FBXO36: variants seen among roughly 807,000 people sequenced by gnomAD.
FBXO36 encodes F-box protein 36.
In FBXO36, 18 loss-of-function variants were observed where a neutral mutation model predicts 17.0. That is an observed-to-expected ratio of 1.06 (90% CI 0.73 to 1.57). The LOEUF is 1.57. FBXO36 is among the 40% of genes most tolerant of loss of function. FBXO36 has a pLI of 0.00. For synonymous variants in FBXO36, 83 were observed against 85.3 expected (o/e 0.97, Z 0.15); for missense variants, 229 against 221.9 (o/e 1.03, Z -0.20).
At chr2:229,984,745 A>G (rs557089328) in intron 2 of FBXO36, among the ~76,000 whole-genome samples, 1 of 152,224 alleles carries the variant, frequency 6.6e-6, no homozygotes, top group Non-Finnish European at 1.5e-5. Context: ...TTTTTCTGTT[A>G]GTGTACATAA....
chr2:229,966,986 C>G (rs1332433455), intron 1 of FBXO36, among the ~76,000 whole-genome samples: 2 of 152,202 alleles, frequency 1.3e-5, no homozygotes, highest in Non-Finnish European at 2.9e-5. Flanking sequence ...TGGCCATTTT[C>G]ACGATATTCT....
At chr2:230,010,294 A>G (rs1389880073) in intron 3 of FBXO36, among the ~76,000 whole-genome samples, 1 of 152,202 alleles carries the variant, frequency 6.6e-6, no homozygotes, top group African/African-American at 2.4e-5. Context: ...AAATACATAC[A>G]TAGATAAATA....
At chr2:229,936,641 G>A (rs751527573) in intron 1 of FBXO36, among the ~76,000 whole-genome samples, 2 of 152,132 alleles carry the variant, frequency 1.3e-5, no homozygotes, top group African/African-American at 4.8e-5. Flanking sequence ...GCCTGAGGCA[G>A]GAGAATCACT....
intron 3 of FBXO36, among the ~76,000 whole-genome samples, chr2:230,002,131 C>T (rs73105414): frequency 0.036 from 5,530 of 152,176 alleles, 360 homozygotes; most frequent in African/African-American, 0.13. Context: ...AGCCATTGCT[C>T]GGCCTATTGT....
At chr2:229,930,449 C>T (rs2076933323) in intron 1 of FBXO36, among the ~76,000 whole-genome samples, 1 of 152,100 alleles carries the variant, frequency 6.6e-6, no homozygotes, top group Non-Finnish European at 1.5e-5. Flanking sequence ...CTTCCCTCTT[C>T]CCTTAAGAGA....
chr2:229,936,107 C>T (rs1478693523), intron 1 of FBXO36, among the ~76,000 whole-genome samples: 1 of 152,112 alleles, frequency 6.6e-6, no homozygotes, highest in Non-Finnish European at 1.5e-5. Context: ...ATGCTTGAAC[C>T]GGGAGGCAGA....
At chr2:229,925,077 C>G (rs1302715701) in intron 1 of FBXO36, among the ~76,000 whole-genome samples, 1 of 151,572 alleles carries the variant, frequency 6.6e-6, no homozygotes, top group Non-Finnish European at 1.5e-5. Context: ...CTTCAGTGTT[C>G]TTAATTTTTC....
intron 3 of FBXO36, among the ~76,000 whole-genome samples, chr2:230,001,083 T>C (rs906568731): frequency 2.0e-5 from 3 of 151,992 alleles, no homozygotes; most frequent in Non-Finnish European, 2.9e-5. Context: ...GGTCTTGAAC[T>C]CCTGGCCTCA....
At chr2:229,931,607 A>G (rs1335673103) in intron 1 of FBXO36, among the ~76,000 whole-genome samples, 1 of 152,122 alleles carries the variant, frequency 6.6e-6, no homozygotes, top group East Asian at 1.9e-4. Flanking sequence ...TTAGGAGGCC[A>G]AGGCAGGCGG....
chr2:229,945,371 A>G (rs925136119), intron 1 of FBXO36, among the ~76,000 whole-genome samples: 2 of 151,998 alleles, frequency 1.3e-5, no homozygotes, highest in African/African-American at 4.8e-5. Context: ...CAGTGGCGCA[A>G]TCTCGGCTCA....
intron 1 of FBXO36, among the ~76,000 whole-genome samples, chr2:229,962,995 G>A (rs1365435154): frequency 6.6e-6 from 1 of 151,402 alleles, no homozygotes; most frequent in East Asian, 2.0e-4. Flanking sequence ...CTTTTTTAGG[G>A]TAGCACATAA....
At chr2:229,954,835 C>T (rs1276597438) in intron 1 of FBXO36, among the ~76,000 whole-genome samples, 3 of 151,440 alleles carry the variant, frequency 2.0e-5, no homozygotes, top group African/African-American at 7.3e-5. Context: ...GCGTGAGCCA[C>T]CATGCCTGGC....
At chr2:229,946,141 T>C (rs1256101656) in intron 1 of FBXO36, among the ~76,000 whole-genome samples, 3 of 152,106 alleles carry the variant, frequency 2.0e-5, no homozygotes, top group Non-Finnish European at 2.9e-5. Context: ...CGGAAGCAGG[T>C]ACCTGAGACC....
intron 1 of FBXO36, among the ~76,000 whole-genome samples, chr2:229,928,408 C>A (rs866110037): frequency 5.3e-5 from 8 of 152,156 alleles, no homozygotes; most frequent in Non-Finnish European, 1.2e-4. Flanking sequence ...CAGATTTTTA[C>A]TCTCCGCATT....
At chr2:229,945,464 G>A (rs905439071) in intron 1 of FBXO36, among the ~76,000 whole-genome samples, 21 of 151,860 alleles carry the variant, frequency 1.4e-4, no homozygotes, top group African/African-American at 3.6e-4. Context: ...CCGCCACCAC[G>A]CCTGGCTAAT....
chr2:230,009,437 G>C (rs1261423505), intron 3 of FBXO36, among the ~76,000 whole-genome samples: 3 of 152,178 alleles, frequency 2.0e-5, no homozygotes, highest in Non-Finnish European at 4.4e-5. Context: ...CCACACTGCT[G>C]CAAGGACATG....
intron 1 of FBXO36, among the ~76,000 whole-genome samples, chr2:229,965,809 A>G (rs1445575805): frequency 6.6e-6 from 1 of 152,130 alleles, no homozygotes. Context: ...AGTCTTTGCT[A>G]TTGTGAATAG....
At chr2:229,973,109 A>AGG (rs1553808245) in intron 1 of FBXO36, among the ~76,000 whole-genome samples, 1 of 39,524 alleles carries the variant, frequency 2.5e-5, no homozygotes, top group South Asian at 5.6e-4. Flanking sequence ...TAAATTCGTT[A>AGG]AAAATTCTTC....
Position 229,939,351 on chromosome 2 carries a change from T to C in FBXO36, c.96+16742T>C, listed in dbSNP as rs1018420121. 1.5e-5 allele frequency: 11 copies of C among 721,456 alleles called. No homozygotes were observed. The African/African-American group carries it at 1.9e-4, about 13-fold the overall frequency. The allele number at this position is 721,456 out of a possible 1,614,324, so 44.7% of individuals were successfully genotyped here. ...TAAGGTCCTCTCGTCCCAAGATGAGTCTTCCTCCTGTCTAAAACTGTATTA... is the reference window on the plus strand; with the variant it reads ...TAAGGTCCTCTCGTCCCAAGATGAGCCTTCCTCCTGTCTAAAACTGTATTA... On this transcript the variant is annotated intron_variant, in intron 1 of 3. Coordinates refer to ENST00000283946, the MANE Select transcript of FBXO36 (RefSeq NM_174899.5).
Sources: gnomAD v4.1 joint callset for allele counts (sites outside exome capture counted in the v4.1 genomes callset) on GRCh38, gnomAD v4.1.1 for gene constraint, MANE v1.5 for transcripts, NCBI Gene and HGNC (gene_info 2026-07-23, HGNC 2026-07-21) for gene names.